Variants in SH2D6 observed in about 807,000 individuals in gnomAD.
SH2D6 encodes the protein SH2 domain-containing protein 6.
Under a neutral mutation model 30.2 loss-of-function variants are expected in SH2D6, and 31 were observed. That is an observed-to-expected ratio of 1.03 (90% CI 0.77 to 1.38). The LOEUF (loss-of-function observed/expected upper bound fraction) is 1.38. Ranked by LOEUF, SH2D6 falls within the 40% of genes most tolerant of loss-of-function variation. The pLI is 0.00. For missense variants in SH2D6, 240 were observed against 266.8 expected, an observed-to-expected ratio of 0.90 and a Z score of 0.70; for synonymous variants, 93 against 104.6, an observed-to-expected ratio of 0.89 and a Z score of 0.68.
chr2:85,435,794 C>T lies in SH2D6; in HGVS notation c.861C>T (p.Ala287=). ...GGCTGGATGGCGGACGCCACTATGC[C>T]CTGGGCCGGGAGGGCAGGAACCGTG... ...IRRLDGGRHY[A]LGREGRNREE... is the part of the protein sequence containing the mutation. Residue 287 remains alanine, a synonymous_variant, in exon 22 of 24, where the codon GCC becomes GCT. Transcript: ENST00000469800. 6.2e-7 allele frequency: 1 copy of T among 1,602,156 alleles called. No individual in the cohort carries two copies.
intron 2 of SH2D6, chr2:85,420,707 G>A (rs918079723): frequency 1.3e-5 from 2 of 152,272 alleles, no homozygotes; most frequent in South Asian, 4.1e-4. Context: ...TGCGGGCCTT[G>A]CCTTCATTTA....
rs1454546191 is a variant in SH2D6 at position 85,430,679 on chromosome 2, G to A, written c.250+27G>A. On this transcript the variant is annotated intron_variant, in intron 12 of 23. Coordinates refer to ENST00000469800, the MANE Select transcript of SH2D6 (RefSeq NM_001394463.1). The surrounding 1 kb of genome is among the most constrained non-coding windows in gnomAD (Gnocchi z 4.3). ...TGAGGGCTAGGAGGTGGGAGGCAGGGAGACCAGGTGCTTGGGCAGGGCAGG... is the reference window on the plus strand; with the variant it reads ...TGAGGGCTAGGAGGTGGGAGGCAGGAAGACCAGGTGCTTGGGCAGGGCAGG... The A allele has an allele frequency of 6.5e-6, 1 of 153,392 alleles. No homozygotes were observed. The allele number at this position is 153,392 out of a possible 1,614,324, so 9.5% of individuals were successfully genotyped here.
At chr2:85,433,871 T>A (rs916708723) in intron 16 of SH2D6, among the ~76,000 whole-genome samples, 162 bp from the exon 17 acceptor site, 7 of 152,248 alleles carry the variant, frequency 4.6e-5, no homozygotes, top group Non-Finnish European at 1.0e-4. Flanking sequence ...GCTCCCCAGC[T>A]GCTGCGGCCA....
chr2:85,433,076 T>C (rs1688947323), intron 14 of SH2D6, 23 bp from the exon 15 acceptor site: 2 of 985,758 alleles, frequency 2.0e-6, no homozygotes, highest in African/African-American at 3.5e-5. Flanking sequence ...GCATGACAGG[T>C]GGTTCTCTCC....
At chr2:85,434,946 G>T (rs1229166817) in intron 19 of SH2D6, 119 bp from the exon 20 acceptor site, 2 of 1,600,504 alleles carry the variant, frequency 1.2e-6, no homozygotes, top group Non-Finnish European at 8.5e-7. Context: ...CGGGGTTTGG[G>T]CTCGGGGCCA....
chr2:85,426,971 A>C (rs1688101818), intron 6 of SH2D6, among the ~76,000 whole-genome samples: 1 of 152,238 alleles, frequency 6.6e-6, no homozygotes, highest in Non-Finnish European at 1.5e-5. Context: ...TGTCCGCTGC[A>C]GAACTGATTG....
chr2:85,433,145 C>T, intron 15 of SH2D6, 24 bp downstream of exon 15: 1 of 985,842 alleles, frequency 1.0e-6, no homozygotes, highest in Non-Finnish European at 1.2e-6. Flanking sequence ...CCATTTCCAC[C>T]TCAGTTTCCA....
chr2:85,435,082 C>G lies in SH2D6; in HGVS notation c.607C>G (p.Leu203Val), dbSNP rs148116072. ...AASKEGRKSS[L>V]PSVAPTGSAS... The stretch of plus-strand genomic sequence containing the variant: ...TCTTCTAGAAGGAAGGAAATCGTCT[C>G]TTCCCTCTGTAGCCCCCACTGGGAG... Residue 203 changes from leucine (L) to valine (V), a missense_variant, in exon 20 of 24, where the codon CTT (leucine) becomes GTT (valine). By Grantham distance (32) the Leu-to-Val change is conservative. Transcript: ENST00000469800. The G allele has an allele frequency of 1.6e-5, 23 of 1,439,962 alleles. No homozygotes were observed. The African/African-American group carries it at 3.2e-4, about 20-fold the overall frequency. 89.2% of individuals were successfully genotyped at this position (1,439,962 alleles called of 1,614,324 possible).
In SH2D6 at chr2:85,436,604, G is replaced by A. The variant is rs770378625; in HGVS notation, c.*12+10G>A. 108 of 1,599,036 alleles carry A rather than the reference G, an allele frequency of 6.8e-5. No individual in the cohort carries two copies. The highest frequency in any genetic ancestry group is 1.7e-4 in the Middle Eastern group (1 of 6,026). ...TTGAGGCCACAGCGAAGTACACACC[G>A]CCTTTGGCCCCAGTTTGCTTCTTGT... On this transcript the variant is annotated intron_variant, in intron 23 of 23. Transcript: ENST00000469800.
At chr2:85,424,602 A>G (rs1311688764) in intron 5 of SH2D6, among the ~76,000 whole-genome samples, 1 of 152,076 alleles carries the variant, frequency 6.6e-6, no homozygotes, top group Non-Finnish European at 1.5e-5. Context: ...ATGTTTAAAA[A>G]TTAGCTGGGC....
At chr2:85,426,284 C>T (rs1353280721) in intron 6 of SH2D6, among the ~76,000 whole-genome samples, 1 of 152,212 alleles carries the variant, frequency 6.6e-6, no homozygotes, top group South Asian at 2.1e-4. Context: ...GTATTTCTTC[C>T]ATATGTAGGT....
chr2:85,422,940 T>A (rs1687797686), intron 5 of SH2D6, among the ~76,000 whole-genome samples: 1 of 152,228 alleles, frequency 6.6e-6, no homozygotes, highest in Non-Finnish European at 1.5e-5. Flanking sequence ...CAGGCTGGAG[T>A]GCAATGGCAC....
chr2:85,436,005 CCTCCTGCCATGG>C (rs1689415092), intron 22 of SH2D6, among the ~76,000 whole-genome samples, 181 bp downstream of exon 22: 2 of 152,192 alleles, frequency 1.3e-5, no homozygotes, highest in South Asian at 4.1e-4. Context: ...GGGAGGTGCC[CCTCCTGCCATGG>C]CTCAGTCTGC....
chr2:85,426,071 C>A lies in SH2D6; in HGVS notation c.-209+664C>A, dbSNP rs148890664. ...CCCCTTCTGTTCTTGGTGAGCCCAG[C>A]CACCCACATCTCCGCGGCTCTTCCT... is the stretch of plus-strand genomic sequence containing the variant. On this transcript the variant is annotated intron_variant, in intron 6 of 23. Transcript: ENST00000469800. 1.1e-3 allele frequency among the ~76,000 whole-genome samples: 167 copies of A among 152,270 alleles called. 5 individuals are homozygous for A. The East Asian group carries it at 0.031, about 28-fold the overall frequency.
chr2:85,431,039 G>A (rs1373218897), intron 12 of SH2D6, among the ~76,000 whole-genome samples, 171 bp from the exon 13 acceptor site: 1 of 152,176 alleles, frequency 6.6e-6, no homozygotes, highest in African/African-American at 2.4e-5. Context: ...GGTTGGGGCA[G>A]GGAAACTGCC....
chr2:85,419,957 CTGAG>C (rs752161991), intron 2 of SH2D6, among the ~76,000 whole-genome samples: 15 of 152,132 alleles, frequency 9.9e-5, no homozygotes, highest in Non-Finnish European at 2.1e-4. Context: ...GTTTGGTTTT[CTGAG>C]TGTTTCTGTT....
intron 2 of SH2D6, chr2:85,420,951 C>A (rs1028874460): frequency 6.6e-6 from 1 of 152,396 alleles, no homozygotes; most frequent in African/African-American, 2.4e-5. Context: ...CCATTCTTCT[C>A]TGGCCTCGGC....
chr2:85,435,628 T>C (rs376270754), intron 21 of SH2D6, 38 bp from the exon 22 acceptor site: 29 of 1,579,920 alleles, frequency 1.8e-5, no homozygotes, highest in East Asian at 6.7e-5. Context: ...GGGAGGGCCA[T>C]TGGAAGATGA....
chr2:85,434,142 G>A, intron 17 of SH2D6, 31 bp downstream of exon 17: 4 of 1,544,804 alleles, frequency 2.6e-6, no homozygotes, highest in Non-Finnish European at 3.5e-6. Flanking sequence ...GCACCTGTGT[G>A]TATGTATGTG....
Sources: allele counts gnomAD v4.1 joint callset (sites outside exome capture counted in the v4.1 genomes callset), GRCh38; gene constraint gnomAD v4.1.1; non-coding constraint Gnocchi (gnomAD v3.1); transcripts MANE v1.5; gene names NCBI Gene and HGNC (gene_info 2026-07-23, HGNC 2026-07-21).